Variants in KIAA1191 observed in about 807,000 individuals in gnomAD.
KIAA1191 encodes putative monooxygenase p33MONOX.
In KIAA1191, 22 loss-of-function variants were observed where a neutral mutation model predicts 31.1. The ratio of observed to expected loss-of-function variants is 0.71; its 90% CI spans 0.51 to 1.01. The LOEUF (loss-of-function observed/expected upper bound fraction) is 1.01, where lower values mean the gene tolerates loss of function less well. Among genes scored for constraint, KIAA1191 ranks in the 50% least tolerant of loss-of-function variants. The pLI, the probability that KIAA1191 is intolerant of heterozygous loss-of-function variation, is 0.00. For missense variants in KIAA1191, 319 were observed against 388.0 expected, an observed-to-expected ratio of 0.82 and a Z score of 1.49; for synonymous variants, 130 against 143.9, an observed-to-expected ratio of 0.90 and a Z score of 0.69.
At chr5:176,357,491 A>G (rs1767612740) in intron 3 of KIAA1191, among the ~76,000 whole-genome samples, 1 of 152,208 alleles carries the variant, frequency 6.6e-6, no homozygotes. Flanking sequence ...CTAGACAATT[A>G]CATCCCTCAT....
At chr5:176,351,203 T>C (rs1284365485) in intron 5 of KIAA1191, among the ~76,000 whole-genome samples, 7 of 151,336 alleles carry the variant, frequency 4.6e-5, no homozygotes, top group Non-Finnish European at 7.4e-5. Flanking sequence ...TAGCTGGGTG[T>C]GGTGGCAGGC....
In KIAA1191 at chr5:176,350,717, G is replaced by A; in HGVS notation, c.355C>T (p.Gln119Ter). 1 of 1,614,114 alleles carries A rather than the reference G, an allele frequency of 6.2e-7. No individual in the cohort carries two copies. Among genetic ancestry groups the A allele is most frequent in the South Asian group, 1.1e-5 (1 of 91,076 alleles). ...LITKQTQESIQHFERQAGLRD... is the reference protein window; with the variant it reads ...LITKQTQESI ...AGCCCTGCCTGTCGCTCAAAATGCT[G>A]AATGCTTTCCTGGGTCTGTTCTGGG... Residue 119 changes from glutamine to a stop codon, truncating the protein, a stop_gained, in exon 6 of 9, where the codon CAG (glutamine) becomes TAG (stop). Transcript: ENST00000298569. LOFTEE classifies it high-confidence loss of function.
chr5:176,352,171 A>C (rs908633743), intron 5 of KIAA1191, among the ~76,000 whole-genome samples: 5 of 151,418 alleles, frequency 3.3e-5, no homozygotes, highest in African/African-American at 1.2e-4. Flanking sequence ...AAAAAAACAA[A>C]AAAAAAAACA....
Position 176,355,634 on chromosome 5 carries a change from C to T in KIAA1191, c.144G>A (p.Ser48=), listed in dbSNP as rs756994307. 1.1e-5 allele frequency: 17 copies of T among 1,612,676 alleles called. No individual in the cohort carries two copies. The East Asian group carries it at 1.1e-4, about 11-fold the overall frequency. Residue 48 remains serine, a synonymous_variant, in exon 4 of 9, where the codon TCG becomes TCA. Transcript: ENST00000298569. The surrounding 1 kb of genome is among the most constrained non-coding windows in gnomAD (Gnocchi z 4.2). ...GCTTCCAAGGGACGCTGCCCATGTCCGATGGAGGAGGAGTCATGGGCGCAG... is the reference window on the plus strand; with the variant it reads ...GCTTCCAAGGGACGCTGCCCATGTCTGATGGAGGAGGAGTCATGGGCGCAG... The part of the protein sequence containing the change: ...EDPAPMTPPP[S]DMGSVPWKPV...
chr5:176,355,825 G>C lies in KIAA1191; in HGVS notation c.29-76C>G. On this transcript the variant is annotated intron_variant, in intron 3 of 8. Transcript: ENST00000298569. This position sits in a 1 kb window ranked among gnomAD's most constrained non-coding sequence, Gnocchi z 4.2. Reference sequence around the variant, plus strand: ...CAGCTTTAAATTAATCTACAGGAAGGAAAGCTCTGAAATACTCTTGTTCTT... The same window carrying C: ...CAGCTTTAAATTAATCTACAGGAAGCAAAGCTCTGAAATACTCTTGTTCTT... The C allele has an allele frequency of 7.2e-7, 1 of 1,396,250 alleles. No homozygotes were observed. Among genetic ancestry groups the C allele is most frequent in the Non-Finnish European group, 1.0e-6 (1 of 987,122 alleles). The allele number at this position is 1,396,250 out of a possible 1,614,324, so 86.5% of individuals were successfully genotyped here. A position where few individuals can be genotyped will look rare whatever the true frequency, so the allele number is the denominator to read the frequency against.
intron 2 of KIAA1191, 34 bp from the exon 3 acceptor site, chr5:176,359,601 G>GCTGCTCACCATAAGAA: frequency 1.0e-6 from 1 of 995,258 alleles, no homozygotes; most frequent in Non-Finnish European, 1.6e-6. Flanking sequence ...TTCTTATGGT[G>GCTGCTCACCATAAGAA]AGCAGCACCA....
At chr5:176,356,467 A>G (rs1767515690) in intron 3 of KIAA1191, among the ~76,000 whole-genome samples, 1 of 152,214 alleles carries the variant, frequency 6.6e-6, no homozygotes, top group Non-Finnish European at 1.5e-5. Context: ...CACCAAAGAA[A>G]ACACCAGCAC....
intron 7 of KIAA1191, 93 bp from the exon 8 acceptor site, chr5:176,348,156 C>A: frequency 1.3e-6 from 2 of 1,592,828 alleles, no homozygotes; most frequent in African/African-American, 2.7e-5. Context: ...TATCCCTTCT[C>A]CCTCTGAAAC....
Position 176,348,138 on chromosome 5 carries a change from CAG to C in KIAA1191, c.567-77_567-76del, listed in dbSNP as rs1766681005. 4.4e-6 allele frequency: 7 copies of C among 1,599,110 alleles called. No individual in the cohort carries two copies. In the Admixed American group the frequency reaches 5.2e-5, roughly 12 times the overall value. ...CTAGAAATGTCTCACACCAAAAGAA[CAG>C]GGAACTATCCCTTCTCCCTCTGAAA... On this transcript the variant is annotated intron_variant, in intron 7 of 8. Coordinates refer to ENST00000298569, the MANE Select transcript of KIAA1191 (RefSeq NM_020444.5).
intron 3 of KIAA1191, among the ~76,000 whole-genome samples, chr5:176,356,932 G>C (rs1273434103): frequency 6.6e-6 from 1 of 152,160 alleles, no homozygotes; most frequent in African/African-American, 2.4e-5. Context: ...AAGAGGATTA[G>C]AGGTTGCCAG....
chr5:176,350,524 C>T, intron 6 of KIAA1191, 89 bp downstream of exon 6: 1 of 1,513,578 alleles, frequency 6.6e-7, no homozygotes, highest in South Asian at 1.2e-5. Context: ...CAGCCCCCAA[C>T]TAACTGAGCT....
rs1768037784 is a variant in KIAA1191, at chr5:176,361,760, G to C, written c.-326C>G. The C allele has an allele frequency of 6.6e-6, 1 of 152,498 alleles. No homozygotes were observed. Among genetic ancestry groups the C allele is most frequent in the South Asian group, 2.1e-4 (1 of 4,840 alleles). The allele number at this position is 152,498 out of a possible 1,614,324, so 9.4% of individuals were successfully genotyped here. Reference sequence around the variant, plus strand: ...GGTCCCCAAGACCCACTAGGTAGCAGTACCACCCAGCGGGCAGGCAGCACT... The same window carrying C: ...GGTCCCCAAGACCCACTAGGTAGCACTACCACCCAGCGGGCAGGCAGCACT... On this transcript the variant is annotated 5_prime_UTR_variant, in exon 1 of 9. Transcript: ENST00000298569. This position sits in a 1 kb window ranked among gnomAD's most constrained non-coding sequence, Gnocchi z 4.0.
chr5:176,353,617 G>A (rs537920409), intron 4 of KIAA1191: 1 of 152,206 alleles, frequency 6.6e-6, no homozygotes, highest in Non-Finnish European at 1.5e-5. Context: ...TTTCCTTACT[G>A]GGAAGACGGT....
chr5:176,354,851 A>G (rs1767364982), intron 4 of KIAA1191, among the ~76,000 whole-genome samples: 2 of 152,114 alleles, frequency 1.3e-5, no homozygotes. Context: ...TACCGTGGGG[A>G]GCTCAGAGGG....
chr5:176,355,572 T>A lies in KIAA1191; in HGVS notation c.206A>T (p.Lys69Met). The change falls in exon 4 of 9, where the codon AAG becomes ATG. Residue 69 changes from lysine to methionine, a missense_variant and splice_region_variant. Transcript: ENST00000298569. This position sits in a 1 kb window ranked among gnomAD's most constrained non-coding sequence, Gnocchi z 4.2. ...GAAATGGCCAGCAGGGTCAGATACC[T>A]TGGCGAGGTGCTGATACTTGCGCTC... The part of the protein sequence containing the change: ...IPERKYQHLA[K>M]VEEGEASLPS... The A allele has an allele frequency of 6.2e-7, 1 of 1,606,860 alleles. No individual in the cohort carries two copies. Among genetic ancestry groups the A allele is most frequent in the Non-Finnish European group, 8.5e-7 (1 of 1,175,602 alleles).
At position 176,361,012 on chromosome 5, in the gene KIAA1191, T is replaced by A. The variant is rs1335867799; in HGVS notation, c.-168+590A>T. On this transcript the variant is annotated intron_variant, in intron 1 of 8. Transcript: ENST00000298569. The surrounding 1 kb of genome is among the most constrained non-coding windows in gnomAD (Gnocchi z 4.0). ...TTCAGCTTGCTACACCGTCCCTCTA[T>A]CCCGATAGGACTCAGACAGAGCAAA... 6.6e-6 allele frequency among the ~76,000 whole-genome samples: 1 copy of A among 151,914 alleles called. No individual in the cohort carries two copies. Among genetic ancestry groups the A allele is most frequent in the African/African-American group, 2.4e-5 (1 of 41,316 alleles).
chr5:176,354,887 C>A (rs1047655429), intron 4 of KIAA1191, among the ~76,000 whole-genome samples: 3 of 151,868 alleles, frequency 2.0e-5, no homozygotes, highest in Admixed American at 6.6e-5. Context: ...ATCAGGAGGA[C>A]GGAGATGTCA....
intron 3 of KIAA1191, chr5:176,357,090 G>A (rs1767566985): frequency 6.6e-6 from 1 of 152,122 alleles, no homozygotes; most frequent in Non-Finnish European, 1.5e-5. Flanking sequence ...TGGATCACCT[G>A]AGGTCAGGCG....
At position 176,348,238 on chromosome 5, in the gene KIAA1191, G is replaced by A; in HGVS notation, c.566+12C>T. 6.2e-7 allele frequency: 1 copy of A among 1,612,858 alleles called. No individual in the cohort carries two copies. The highest frequency in any genetic ancestry group is 8.5e-7 in the Non-Finnish European group (1 of 1,179,148). ...CACGCAGGAACTCGGAAGGGTCACA[G>A]GAAGGGCTCACCTGGGCCTCTGCTT... On this transcript the variant is annotated intron_variant, in intron 7 of 8. Transcript: ENST00000298569.
Sources: allele counts gnomAD v4.1 joint callset (sites outside exome capture counted in the v4.1 genomes callset), GRCh38; gene constraint gnomAD v4.1.1; non-coding constraint Gnocchi (gnomAD v3.1); transcripts MANE v1.5; gene names NCBI Gene and HGNC (gene_info 2026-07-23, HGNC 2026-07-21).